Variants in ZNF560 observed in about 807,000 individuals in gnomAD.
The protein encoded by ZNF560 is zinc finger protein 560.
ZNF560 carries 54 observed loss-of-function variants against 81.8 expected under a neutral mutation model. The observed-to-expected ratio is 0.66, with a 90% CI of 0.53 to 0.83. The LOEUF (loss-of-function observed/expected upper bound fraction) is 0.83, where lower values mean the gene tolerates loss of function less well. Ranked by LOEUF, ZNF560 falls within the 40% of genes least tolerant of loss-of-function variation. The pLI, the probability that ZNF560 is intolerant of heterozygous loss-of-function variation, is 0.00. For synonymous variants in ZNF560, 321 were observed against 317.9 expected (o/e 1.01, Z -0.10); for missense variants, 940 against 932.4 (o/e 1.01, Z -0.11).
At chr19:9,457,886 C>T in the ZNF560 span, among the ~76,000 whole-genome samples, 3 of 152,162 alleles carry the variant, frequency 2.0e-5, no homozygotes, top group African/African-American at 7.2e-5. Context: ...ACAAAAGAAG[C>T]TGAGGCAGAG....
intron 2 of ZNF560, among the ~76,000 whole-genome samples, chr19:9,483,271 C>T (rs1314078219): frequency 7.3e-5 from 11 of 150,600 alleles, no homozygotes; most frequent in South Asian, 2.1e-4. Flanking sequence ...ACCTCTGCCC[C>T]GCCGCCCCGT....
Position 9,467,287 on chromosome 19 carries a change from T to G in ZNF560, c.1660A>C (p.Thr554Pro). 2 of 1,614,106 alleles carry G rather than the reference T, an allele frequency of 1.2e-6. No individual in the cohort carries two copies. The highest frequency in any genetic ancestry group is 1.6e-4 in the Middle Eastern group (1 of 6,062). Residue 554 changes from threonine to proline, a missense_variant, in exon 10 of 10, where the codon ACT becomes CCT. Thr to Pro is a conservative substitution (Grantham distance 38). Transcript: ENST00000301480. ...YQCKKCGKAFTKCSYLTKHLR... is the reference protein window; with the variant it reads ...YQCKKCGKAFPKCSYLTKHLR... ...TGTTTGGTAAGATATGAGCACTTAG[T>G]GAAAGCTTTACCACATTTCTTACAT...
At chr19:9,483,856 G>A (rs2073342639) in intron 2 of ZNF560, among the ~76,000 whole-genome samples, 1 of 151,832 alleles carries the variant, frequency 6.6e-6, no homozygotes, top group Non-Finnish European at 1.5e-5. Flanking sequence ...TAGAAAAGGG[G>A]GAAATGTGGG....
chr19:9,456,866 C>T, the ZNF560 span, among the ~76,000 whole-genome samples: 12 of 152,090 alleles, frequency 7.9e-5, no homozygotes, highest in African/African-American at 2.2e-4. Flanking sequence ...ATTATACAGC[C>T]CTCAAAGTCA....
intron 2 of ZNF560, among the ~76,000 whole-genome samples, chr19:9,483,088 G>A (rs1038753123): frequency 2.1e-4 from 32 of 150,874 alleles, no homozygotes; most frequent in East Asian, 6.0e-4. Flanking sequence ...CCGCCACCCC[G>A]TCTGGGAAGT....
chr19:9,504,655 A>G, the ZNF560 span, among the ~76,000 whole-genome samples: 1 of 152,180 alleles, frequency 6.6e-6, no homozygotes, highest in Non-Finnish European at 1.5e-5. Flanking sequence ...TAAAAGTGTC[A>G]TATATAACTC....
At chr19:9,464,918 T>C (rs967458250), downstream of ZNF560, among the ~76,000 whole-genome samples, 1 of 152,294 alleles carries the variant, frequency 6.6e-6, no homozygotes, top group Admixed American at 6.5e-5. Context: ...TAAGTGTGAA[T>C]GCCCCTCATA....
chr19:9,493,122 T>A (rs1045036495), intron 2 of ZNF560, among the ~76,000 whole-genome samples: 1 of 152,144 alleles, frequency 6.6e-6, no homozygotes, highest in Admixed American at 6.5e-5. Context: ...CTCCTAGCAC[T>A]TCCATACCAC....
At chr19:9,497,798 G>A (rs2073586404) in intron 2 of ZNF560, among the ~76,000 whole-genome samples, 2 of 152,124 alleles carry the variant, frequency 1.3e-5, no homozygotes, top group African/African-American at 4.8e-5. Flanking sequence ...TCTAGTATTA[G>A]TGTGTAAACC....
intron 2 of ZNF560, among the ~76,000 whole-genome samples, chr19:9,477,575 TCA>T (rs1239641206): frequency 6.6e-6 from 1 of 152,224 alleles, no homozygotes; most frequent in Non-Finnish European, 1.5e-5. Context: ...AAGTTAGCGT[TCA>T]GAGTTCTGCC....
At chr19:9,448,222 G>A in the ZNF560 span, among the ~76,000 whole-genome samples, 3 of 151,618 alleles carry the variant, frequency 2.0e-5, no homozygotes, top group Non-Finnish European at 4.4e-5. Flanking sequence ...TTGTGTGTGC[G>A]TGTGGCGGGG....
rs983684684 is a variant in ZNF560 at position 9,497,542 on chromosome 19, A to C, written c.-57+586T>G. On this transcript the variant is annotated intron_variant, in intron 2 of 9. Transcript: ENST00000301480. Reference sequence around the variant, plus strand: ...ACAGCTAGACCCCCTCTCAAAAAAAAAAAAAAAAAAAAAATGTCGAGCTTC... The same window carrying C: ...ACAGCTAGACCCCCTCTCAAAAAAACAAAAAAAAAAAAAATGTCGAGCTTC... Among the ~76,000 whole-genome samples the C allele has an allele frequency of 6.1e-3, 931 of 151,834 alleles. 6 individuals carry two copies. The highest frequency in any genetic ancestry group is 0.011 in the Non-Finnish European group (741 of 67,928).
upstream of ZNF560, among the ~76,000 whole-genome samples, chr19:9,499,084 C>T (rs1274406474): frequency 4.6e-5 from 7 of 152,228 alleles, no homozygotes; most frequent in Non-Finnish European, 1.0e-4. Flanking sequence ...TCTGACCTTG[C>T]TAAACTCTAA....
At chr19:9,454,829 T>C in the ZNF560 span, among the ~76,000 whole-genome samples, 1 of 150,998 alleles carries the variant, frequency 6.6e-6, no homozygotes, top group Non-Finnish European at 1.5e-5. Flanking sequence ...ACACTGATGA[T>C]GAGGAGGAAG....
intron 2 of ZNF560, among the ~76,000 whole-genome samples, chr19:9,488,023 G>A (rs536301321): frequency 6.6e-6 from 1 of 152,124 alleles, no homozygotes; most frequent in African/African-American, 2.4e-5. Flanking sequence ...CACAGCACTG[G>A]AAGGAGGGGC....
At chr19:9,503,928 C>A in the ZNF560 span, among the ~76,000 whole-genome samples, 1 of 152,088 alleles carries the variant, frequency 6.6e-6, no homozygotes, top group African/African-American at 2.4e-5. Flanking sequence ...AATAATTAAA[C>A]GAAGCTAATT....
the ZNF560 span, among the ~76,000 whole-genome samples, chr19:9,457,415 G>A: frequency 0.045 from 6,912 of 152,230 alleles, 531 homozygotes; most frequent in African/African-American, 0.16. Flanking sequence ...GCTGCTAAGC[G>A]TTTTAATTGG....
intron 2 of ZNF560, among the ~76,000 whole-genome samples, chr19:9,489,333 A>G (rs376132156): frequency 4.0e-5 from 6 of 151,138 alleles, no homozygotes; most frequent in African/African-American, 1.5e-4. Flanking sequence ...TGCAGTGGCC[A>G]GACAGAGTCG....
At chr19:9,500,315 G>T (rs2144738344), upstream of ZNF560, among the ~76,000 whole-genome samples, 2 of 151,184 alleles carry the variant, frequency 1.3e-5, no homozygotes, top group Admixed American at 1.3e-4. Context: ...AACCTGGGAG[G>T]CGGAGGTTAC....
Sources: gnomAD v4.1 joint callset for allele counts (sites outside exome capture counted in the v4.1 genomes callset) on GRCh38, gnomAD v4.1.1 for gene constraint, MANE v1.5 for transcripts, NCBI Gene and HGNC (gene_info 2026-07-23, HGNC 2026-07-21) for gene names.